The following PIEZO2 variants were observed in gnomAD, a reference collection of about 807,000 sequenced individuals.
The protein encoded by PIEZO2 is piezo type mechanosensitive ion channel component 2, also known as piezo-type mechanosensitive ion channel component 2.
PIEZO2 carries 172 observed loss-of-function variants against 337.3 expected under a neutral mutation model. The observed-to-expected ratio is 0.51, with a 90% CI of 0.45 to 0.58. The LOEUF (loss-of-function observed/expected upper bound fraction) is 0.58. Ranked by LOEUF, PIEZO2 falls within the 20% of genes least tolerant of loss-of-function variation. PIEZO2 has a pLI of 0.00. For missense variants in PIEZO2, 3,028 were observed against 3,391.3 expected (o/e 0.89, Z 2.66); for synonymous variants, 1,251 against 1,228.5 (o/e 1.02, Z -0.38).
chr18:10,723,915 C>T (rs1209709800), intron 36 of PIEZO2, among the ~76,000 whole-genome samples: 1 of 152,068 alleles, frequency 6.6e-6, no homozygotes, highest in Non-Finnish European at 1.5e-5. Flanking sequence ...AGCATGGGGC[C>T]CTCAGACATT....
intron 8 of PIEZO2, among the ~76,000 whole-genome samples, chr18:10,804,970 T>A (rs1254813749): frequency 6.6e-6 from 1 of 152,192 alleles, no homozygotes; most frequent in Non-Finnish European, 1.5e-5. Flanking sequence ...TCGTGATTTA[T>A]AACATTGCTG....
At chr18:10,985,009 G>A (rs1455951729) in intron 2 of PIEZO2, among the ~76,000 whole-genome samples, 1 of 151,934 alleles carries the variant, frequency 6.6e-6, no homozygotes, top group Non-Finnish European at 1.5e-5. Flanking sequence ...CAGAAATGAA[G>A]AACAAAGACT....
At chr18:10,902,234 C>T (rs548462913) in intron 4 of PIEZO2, among the ~76,000 whole-genome samples, 1 of 152,228 alleles carries the variant, frequency 6.6e-6, no homozygotes, top group Non-Finnish European at 1.5e-5. Flanking sequence ...TTGTCTTCCA[C>T]AAAACCAGTC....
At chr18:10,994,387 C>T (rs143612712) in intron 2 of PIEZO2, among the ~76,000 whole-genome samples, 2,592 of 141,984 alleles carry the variant, frequency 0.018, 85 homozygotes, top group African/African-American at 0.063. Context: ...GGTAGTTCTA[C>T]TTTTTGTTCT....
At chr18:11,060,437 A>G (rs1221202837) in intron 2 of PIEZO2, among the ~76,000 whole-genome samples, 1 of 152,198 alleles carries the variant, frequency 6.6e-6, no homozygotes, top group East Asian at 1.9e-4. Flanking sequence ...TAGAGACCAA[A>G]AAACCCTTCA....
At chr18:10,745,848 G>T (rs1568011038) in intron 30 of PIEZO2, among the ~76,000 whole-genome samples, 1 of 152,000 alleles carries the variant, frequency 6.6e-6, no homozygotes, top group Non-Finnish European at 1.5e-5. Flanking sequence ...TTCCCAACTG[G>T]CTGAGTTTCA....
chr18:11,058,799 CA>C (rs2037825791), intron 2 of PIEZO2, among the ~76,000 whole-genome samples: 1 of 152,124 alleles, frequency 6.6e-6, no homozygotes, highest in African/African-American at 2.4e-5. Flanking sequence ...CTGAAAGTGA[CA>C]GGGAGAATGG....
chr18:10,877,214 C>A lies in PIEZO2; in HGVS notation c.330-5799G>T, dbSNP rs2144823429. ...CCTGGATGATATCCATCCCCAAGGC[C>A]CTAATCAGCATCCACATGGTGACTT... On this transcript the variant is annotated intron_variant, in intron 4 of 55. Transcript: ENST00000674853. The surrounding 1 kb of genome is among the most constrained non-coding windows in gnomAD (Gnocchi z 5.3). Among the ~76,000 whole-genome samples, 1 of 152,260 alleles carries A rather than the reference C, an allele frequency of 6.6e-6. No homozygotes were observed. The highest frequency in any genetic ancestry group is 1.9e-4 in the East Asian group (1 of 5,182).
Position 10,853,936 on chromosome 18 carries a change from G to C in PIEZO2, c.917+1417C>G, listed in dbSNP as rs1444796579. ...ATTTCTCCAATTTAACCCCAAAAAA[G>C]TTTTAAGAATTTGTTGTTGAACCAG... On this transcript the variant is annotated intron_variant, in intron 7 of 55. Coordinates refer to ENST00000674853, the MANE Select transcript of PIEZO2 (RefSeq NM_001378183.1). The surrounding 1 kb of genome is among the most constrained non-coding windows in gnomAD (Gnocchi z 4.2). 1.3e-5 allele frequency among the ~76,000 whole-genome samples: 2 copies of C among 152,144 alleles called. No individual in the cohort carries two copies. The highest frequency in any genetic ancestry group is 4.8e-5 in the African/African-American group (2 of 41,416).
Position 10,716,955 on chromosome 18 carries a change from G to A in PIEZO2, c.5090-1139C>T, listed in dbSNP as rs993242520. On this transcript the variant is annotated intron_variant, in intron 37 of 55. Transcript: ENST00000674853. This position sits in a 1 kb window ranked among gnomAD's most constrained non-coding sequence, Gnocchi z 4.1. ...CGCACTGGAGACGTGAATCACAGGC[G>A]CTTTGTGAACCTGGGTGACGACTCA... Among the ~76,000 whole-genome samples, 4 of 152,122 alleles carry A rather than the reference G, an allele frequency of 2.6e-5. No homozygotes were observed. The highest frequency in any genetic ancestry group is 5.9e-5 in the Non-Finnish European group (4 of 68,034).
At chr18:10,722,957 ATTTTTTTTTTT>A (rs36042609) in intron 36 of PIEZO2, among the ~76,000 whole-genome samples, 4 of 84,310 alleles carry the variant, frequency 4.7e-5, no homozygotes, top group Admixed American at 3.0e-4. Flanking sequence ...GGATGCAGTG[ATTTTTTTTTTT>A]TTTTTTTTTT....
Position 10,892,534 on chromosome 18 carries a change from C to T in PIEZO2, c.329+18652G>A, listed in dbSNP as rs950494051. 3.3e-5 allele frequency among the ~76,000 whole-genome samples: 5 copies of T among 152,042 alleles called. No individual in the cohort carries two copies. In the East Asian group the frequency reaches 7.7e-4, roughly 23 times the overall value. The stretch of plus-strand genomic sequence containing the variant: ...CTCTTTTTGGGGATAATGAAGATAA[C>T]ACACATCCTGACTATGGTGGTGGTT... On this transcript the variant is annotated intron_variant, in intron 4 of 55. Transcript: ENST00000674853.
At chr18:10,994,508 CA>C (rs1205568111) in intron 2 of PIEZO2, among the ~76,000 whole-genome samples, 2 of 151,068 alleles carry the variant, frequency 1.3e-5, no homozygotes, top group Non-Finnish European at 2.9e-5. Flanking sequence ...CTCCAGGGTT[CA>C]AGCAATTTTC....
At chr18:10,977,001 A>ATGTGTG (rs59666101) in intron 3 of PIEZO2, among the ~76,000 whole-genome samples, 12,502 of 142,782 alleles carry the variant, frequency 0.088, 612 homozygotes, top group Middle Eastern at 0.13. Context: ...AAGAACAAAT[A>ATGTGTG]TGTGTGTGTG....
rs936097460 is a variant in PIEZO2 at position 10,787,145 on chromosome 18, A to G, written c.2209T>C (p.Trp737Arg). Residue 737 changes from tryptophan (W) to arginine (R), a missense_variant, in exon 16 of 56, where the codon TGG (tryptophan) becomes CGG (arginine). Physicochemically the swap from Trp to Arg is moderately radical, Grantham distance 101. Coordinates refer to ENST00000674853, the MANE Select transcript of PIEZO2 (RefSeq NM_001378183.1). ...ATAGTGTAAATAACCACTGACATCC[A>G]AAAATATTTTAGAATTTTCCTCCAC... ...EWWRKILKYF[W>R]MSVVIYTMLV... 1 of 1,533,386 alleles carries G rather than the reference A, an allele frequency of 6.5e-7. No homozygotes were observed. Among genetic ancestry groups the G allele is most frequent in the Non-Finnish European group, 8.7e-7 (1 of 1,145,674 alleles). 95.0% of individuals were successfully genotyped at this position (1,533,386 alleles called of 1,614,324 possible).
rs961324502 is a variant in PIEZO2, at chr18:10,737,103, A to G, written c.4709-393T>C. Among the ~76,000 whole-genome samples the G allele has an allele frequency of 4.6e-5, 7 of 152,120 alleles. 1 individual carries two copies. The South Asian group carries it at 1.0e-3, about 23-fold the overall frequency. On this transcript the variant is annotated intron_variant, in intron 33 of 55. Coordinates refer to ENST00000674853, the MANE Select transcript of PIEZO2 (RefSeq NM_001378183.1). ...AATTCAGCAATTTTGGTCTTCAGAC[A>G]AGGCCAAAGTGAGGTGGAGGATTAG... is the stretch of plus-strand genomic sequence containing the variant.
intron 2 of PIEZO2, among the ~76,000 whole-genome samples, chr18:10,990,473 C>T (rs1177672940): frequency 6.6e-6 from 1 of 152,076 alleles, no homozygotes; most frequent in Non-Finnish European, 1.5e-5. Context: ...ACATACTGAA[C>T]ATTCTGGGCC....
Position 11,047,169 on chromosome 18 carries a change from C to T in PIEZO2, c.160+18958G>A, listed in dbSNP as rs2037346090. Among the ~76,000 whole-genome samples the T allele has an allele frequency of 6.6e-6, 1 of 152,174 alleles. No individual in the cohort carries two copies. The highest frequency in any genetic ancestry group is 1.9e-4 in the East Asian group (1 of 5,194). ...TCTGCACGTGCCTCCCTGGGGTCCT[C>T]CTTACTGCATGGTACCTCCCACCAC... is the stretch of plus-strand genomic sequence containing the variant. On this transcript the variant is annotated intron_variant, in intron 2 of 55. Coordinates refer to ENST00000674853, the MANE Select transcript of PIEZO2 (RefSeq NM_001378183.1). The surrounding 1 kb of genome is among the most constrained non-coding windows in gnomAD (Gnocchi z 7.2).
At chr18:11,041,731 G>T (rs1320242178) in intron 2 of PIEZO2, among the ~76,000 whole-genome samples, 18 of 152,272 alleles carry the variant, frequency 1.2e-4, no homozygotes, top group African/African-American at 4.3e-4. Context: ...TTATAAAAAT[G>T]TAAATGAATG....
Sources: gnomAD v4.1 joint callset for allele counts (sites outside exome capture counted in the v4.1 genomes callset) on GRCh38, gnomAD v4.1.1 for gene constraint, Gnocchi (gnomAD v3.1) non-coding constraint, MANE v1.5 for transcripts, NCBI Gene and HGNC (gene_info 2026-07-23, HGNC 2026-07-21) for gene names.